The following GAD2 variants were observed in gnomAD, a reference collection of about 807,000 sequenced individuals.
GAD2 encodes 65 kDa glutamic acid decarboxylase.
GAD2 carries 22 observed loss-of-function variants against 80.1 expected under a neutral mutation model. The ratio of observed to expected loss-of-function variants is 0.27; its 90% confidence interval spans 0.20 to 0.39. GAD2 has a LOEUF of 0.39. Among genes scored for constraint, GAD2 ranks in the 10% least tolerant of loss-of-function variants. The pLI is 1.00. For synonymous variants in GAD2, 274 were observed against 256.9 expected, an observed-to-expected ratio of 1.07 and a Z score of -0.64; for missense variants, 624 against 738.4, an observed-to-expected ratio of 0.85 and a Z score of 1.80.
At chr10:26,255,778 A>G (rs768560927) in intron 8 of GAD2, among the ~76,000 whole-genome samples, 3 of 152,194 alleles carry the variant, frequency 2.0e-5, no homozygotes, top group Admixed American at 1.3e-4. Flanking sequence ...TTTGACTAAA[A>G]TTGTGTAGGA....
At chr10:26,236,669 A>G (rs1844676384) in intron 7 of GAD2, among the ~76,000 whole-genome samples, 1 of 152,252 alleles carries the variant, frequency 6.6e-6, no homozygotes, top group Non-Finnish European at 1.5e-5. Context: ...CCTTTAAAAA[A>G]TTCTTTTAAA....
At chr10:26,279,473 C>A (rs1041910896) in intron 11 of GAD2, among the ~76,000 whole-genome samples, 3 of 152,146 alleles carry the variant, frequency 2.0e-5, no homozygotes, top group East Asian at 1.9e-4. Flanking sequence ...CCAGGGGCTG[C>A]AGGAGCCGTA....
intron 9 of GAD2, among the ~76,000 whole-genome samples, chr10:26,269,824 G>C (rs1051533729): frequency 6.6e-6 from 1 of 152,120 alleles, no homozygotes; most frequent in Non-Finnish European, 1.5e-5. Context: ...AATGATTTAC[G>C]TTCATATGCC....
chr10:26,283,204 A>G (rs1236111760), intron 12 of GAD2, among the ~76,000 whole-genome samples: 1 of 152,240 alleles, frequency 6.6e-6, no homozygotes, highest in Non-Finnish European at 1.5e-5. Context: ...AACCTGTAGC[A>G]TTCGAAATAT....
intron 10 of GAD2, 48 bp from the exon 11 acceptor site, chr10:26,273,588 T>C (rs1403139631): frequency 6.8e-7 from 1 of 1,477,104 alleles, no homozygotes; most frequent in East Asian, 2.3e-5. Context: ...TATAGAAATC[T>C]AGGCAATGAC....
At position 26,254,283 on chromosome 10, in the gene GAD2, C is replaced by T. The variant is rs8190679; in HGVS notation, c.920+8283C>T. On this transcript the variant is annotated intron_variant, in intron 8 of 15. Transcript: ENST00000376261. Reference sequence around the variant, plus strand: ...AACTCCTGACCTCAGGTGATCTGCCCGCCTCGACCTCCCAAAACATTAGTT... The same window carrying T: ...AACTCCTGACCTCAGGTGATCTGCCTGCCTCGACCTCCCAAAACATTAGTT... Among the ~76,000 whole-genome samples, 21 of 152,268 alleles carry T rather than the reference C, an allele frequency of 1.4e-4. No individual in the cohort carries two copies. The East Asian group carries it at 2.9e-3, about 21-fold the overall frequency.
intron 7 of GAD2, among the ~76,000 whole-genome samples, chr10:26,235,243 C>G (rs2132279855): frequency 6.6e-6 from 1 of 152,318 alleles, no homozygotes; most frequent in Non-Finnish European, 1.5e-5. Context: ...TTCTTCCAAT[C>G]TGAGCACTGA....
chr10:26,280,044 T>G (rs969421585), intron 11 of GAD2, among the ~76,000 whole-genome samples: 3 of 152,228 alleles, frequency 2.0e-5, no homozygotes, highest in Non-Finnish European at 4.4e-5. Context: ...CTGCCCTCAC[T>G]GGCCAGGTGC....
chr10:26,289,070 C>G (rs559505528), intron 13 of GAD2, among the ~76,000 whole-genome samples: 1 of 151,014 alleles, frequency 6.6e-6, no homozygotes, highest in African/African-American at 2.5e-5. Context: ...CAATCTAAAC[C>G]TTTGTGAGTT....
At chr10:26,293,955 C>G (rs923609407) in intron 15 of GAD2, among the ~76,000 whole-genome samples, 2 of 152,222 alleles carry the variant, frequency 1.3e-5, no homozygotes, top group Non-Finnish European at 2.9e-5. Context: ...AGTCTGCATC[C>G]GAGCCTAAGG....
At chr10:26,250,162 C>T (rs1336820299) in intron 8 of GAD2, among the ~76,000 whole-genome samples, 1 of 152,030 alleles carries the variant, frequency 6.6e-6, no homozygotes, top group Non-Finnish European at 1.5e-5. Context: ...TACAGGCCCA[C>T]ACTACGACAC....
intron 6 of GAD2, among the ~76,000 whole-genome samples, chr10:26,227,457 G>T (rs1189956161): frequency 6.6e-6 from 1 of 152,222 alleles, no homozygotes; most frequent in Non-Finnish European, 1.5e-5. Flanking sequence ...GGAGGGCAGG[G>T]CTGGAAGCTT....
At chr10:26,229,873 C>A in intron 7 of GAD2, 96 bp downstream of exon 7, 1 of 879,982 alleles carries the variant, frequency 1.1e-6, no homozygotes, top group Non-Finnish European at 1.8e-6. Context: ...CAGAGGCCCT[C>A]TTTCTGGAAG....
In GAD2 at chr10:26,216,801, C is replaced by G; in HGVS notation, c.-9C>G. ...ACTCGCAGGCGACCTGCTCCAGTCT[C>G]CAAAGCCGATGGCATCTCCGGGCTC... is the stretch of plus-strand genomic sequence containing the variant. On this transcript the variant is annotated 5_prime_UTR_variant, in exon 1 of 16. Coordinates refer to ENST00000376261, the MANE Select transcript of GAD2 (RefSeq NM_001134366.2). This position sits in a 1 kb window ranked among gnomAD's most constrained non-coding sequence, Gnocchi z 4.7. The G allele has an allele frequency of 6.2e-7, 1 of 1,611,482 alleles. No individual in the cohort carries two copies. Among genetic ancestry groups the G allele is most frequent in the East Asian group, 2.2e-5 (1 of 44,636 alleles).
Position 26,217,501 on chromosome 10 carries a change from C to T in GAD2, c.77-109C>T. The T allele has an allele frequency of 1.7e-6, 2 of 1,173,564 alleles. No individual in the cohort carries two copies. Among genetic ancestry groups the T allele is most frequent in the Non-Finnish European group, 2.5e-6 (2 of 805,490 alleles). The allele number at this position is 1,173,564 out of a possible 1,614,324, so 72.7% of individuals were successfully genotyped here. A position where few individuals can be genotyped will look rare whatever the true frequency, so the allele number is the denominator to read the frequency against. On this transcript the variant is annotated intron_variant, in intron 1 of 15. Transcript: ENST00000376261. This position sits in a 1 kb window ranked among gnomAD's most constrained non-coding sequence, Gnocchi z 4.9. ...TGAGCGGCCCCCAGGAGGAAGGCGG[C>T]CCCTCCTAGGACCCCGGACTGATTG... is the stretch of plus-strand genomic sequence containing the variant.
At chr10:26,245,441 A>AG (rs1410660658) in intron 7 of GAD2, among the ~76,000 whole-genome samples, 2 of 124,438 alleles carry the variant, frequency 1.6e-5, no homozygotes, top group African/African-American at 4.0e-5. Flanking sequence ...GTTTTACCAC[A>AG]ATTTTTTTTT....
At chr10:26,253,715 G>C (rs927958926) in intron 8 of GAD2, among the ~76,000 whole-genome samples, 1 of 152,246 alleles carries the variant, frequency 6.6e-6, no homozygotes, top group Non-Finnish European at 1.5e-5. Flanking sequence ...TCTAGCGTGA[G>C]ATGAGCACAG....
chr10:26,234,795 G>A (rs1183328110), intron 7 of GAD2, among the ~76,000 whole-genome samples: 1 of 152,188 alleles, frequency 6.6e-6, no homozygotes, highest in East Asian at 1.9e-4. Context: ...TGGGTTGGAT[G>A]TCCTAAACGC....
chr10:26,287,537 C>T lies in GAD2; in HGVS notation c.1386+1043C>T, dbSNP rs902235723. On this transcript the variant is annotated intron_variant, in intron 13 of 15. Coordinates refer to ENST00000376261, the MANE Select transcript of GAD2 (RefSeq NM_001134366.2). ...ACATAATTGTTTTGAGATAAATATC[C>T]TTGGCTACAAAGATCAATAACAAGG... Among the ~76,000 whole-genome samples, 33 of 152,172 alleles carry T rather than the reference C, an allele frequency of 2.2e-4. 1 individual carries two copies. Among genetic ancestry groups the T allele is most frequent in the African/African-American group, 8.0e-4 (33 of 41,438 alleles).
Sources: gnomAD v4.1 joint callset for allele counts (sites outside exome capture counted in the v4.1 genomes callset) on GRCh38, gnomAD v4.1.1 for gene constraint, Gnocchi (gnomAD v3.1) non-coding constraint, MANE v1.5 for transcripts, NCBI Gene and HGNC (gene_info 2026-07-23, HGNC 2026-07-21) for gene names.